FANCL: variants seen among roughly 807,000 people sequenced by gnomAD.
The protein encoded by FANCL is E3 ubiquitin-protein ligase FANCL.
A neutral mutation model predicts 59.4 loss-of-function variants in FANCL; 69 were observed. The observed-to-expected ratio is 1.16, with a 90% CI of 0.96 to 1.42. The LOEUF is 1.42. Among genes scored for constraint, FANCL ranks in the 40% most tolerant of loss-of-function variants. FANCL has a pLI of 0.00. For synonymous variants in FANCL, 180 were observed against 147.1 expected (o/e 1.22, Z -1.62); for missense variants, 519 against 447.2 (o/e 1.16, Z -1.45).
rs777111103 is a variant in FANCL at position 58,159,661 on chromosome 2, A to ATGTT, written c.*100_*103dup. 1.2e-5 allele frequency: 19 copies of ATGTT among 1,613,104 alleles called. No individual in the cohort carries two copies. The highest frequency in any genetic ancestry group is 2.2e-5 in the East Asian group (1 of 44,866). ...TCGCATCATCATACCTGTCCTTTTGATGTTAGTATTTCTTGCTTTATTTTT... is the reference window on the plus strand; with the variant it reads ...TCGCATCATCATACCTGTCCTTTTGATGTTTGTTAGTATTTCTTGCTTTATTTTT... On this transcript the variant is annotated 3_prime_UTR_variant, in exon 14 of 14. Transcript: ENST00000233741.
At chr2:58,208,264 A>T (rs927681318) in intron 5 of FANCL, among the ~76,000 whole-genome samples, 1 of 152,228 alleles carries the variant, frequency 6.6e-6, no homozygotes, top group Admixed American at 6.5e-5. Context: ...AGGAGTTTAG[A>T]TATTATCACT....
intron 5 of FANCL, among the ~76,000 whole-genome samples, chr2:58,207,521 T>A (rs1466409765): frequency 6.6e-6 from 1 of 152,326 alleles, no homozygotes; most frequent in African/African-American, 2.4e-5. Context: ...AACCCACTCT[T>A]GACCATCTGC....
chr2:58,187,334 A>G (rs931844610), intron 7 of FANCL, among the ~76,000 whole-genome samples: 7 of 144,888 alleles, frequency 4.8e-5, no homozygotes, highest in African/African-American at 1.8e-4. Context: ...CAAACACCGC[A>G]TGTTCTCACT....
intron 5 of FANCL, among the ~76,000 whole-genome samples, chr2:58,212,454 G>GATATGT (rs1321340909): frequency 6.6e-6 from 1 of 152,096 alleles, no homozygotes. Context: ...ATCATAAAGT[G>GATATGT]ATATGTATTT....
chr2:58,159,876 G>C, intron 13 of FANCL, 76 bp from the exon 14 acceptor site: 1 of 1,593,440 alleles, frequency 6.3e-7, no homozygotes, highest in African/African-American at 1.3e-5. Flanking sequence ...TAGAAATAGT[G>C]TCATAGAATA....
At chr2:58,172,999 T>C (rs1473828556) in intron 7 of FANCL, among the ~76,000 whole-genome samples, 1 of 152,102 alleles carries the variant, frequency 6.6e-6, no homozygotes, top group Admixed American at 6.5e-5. Flanking sequence ...TACAGAAGCC[T>C]CAGGAGCCGA....
intron 7 of FANCL, among the ~76,000 whole-genome samples, chr2:58,168,460 G>C (rs780722369): frequency 4.6e-5 from 7 of 152,162 alleles, no homozygotes; most frequent in Non-Finnish European, 8.8e-5. Flanking sequence ...CGCAGATCAG[G>C]AGATTCCCTC....
intron 7 of FANCL, among the ~76,000 whole-genome samples, chr2:58,180,099 T>C (rs150796502): frequency 0.011 from 1,658 of 152,206 alleles, 44 homozygotes; most frequent in African/African-American, 0.038. Context: ...TGTGGAGAAA[T>C]AGGAATGCTT....
At chr2:58,183,922 C>T (rs1178724328) in intron 7 of FANCL, among the ~76,000 whole-genome samples, 6 of 151,920 alleles carry the variant, frequency 3.9e-5, no homozygotes, top group Non-Finnish European at 8.8e-5. Flanking sequence ...TGATCTTAAG[C>T]AAGACATACT....
rs140547539 is a variant in FANCL, at chr2:58,167,026, A to G, written c.541-1152T>C. ...CAAGAGATAGAGACCATCCTGGCCA[A>G]TAAGGTGAAACCTTGTCTCTTCTAA... On this transcript the variant is annotated intron_variant, in intron 7 of 13. Coordinates refer to ENST00000233741, the MANE Select transcript of FANCL (RefSeq NM_018062.4). Among the ~76,000 whole-genome samples the G allele has an allele frequency of 4.9e-3, 743 of 152,358 alleles. 8 individuals carry two copies. The highest frequency in any genetic ancestry group is 0.017 in the African/African-American group (706 of 41,586).
chr2:58,217,138 T>A (rs1228785387), intron 5 of FANCL, among the ~76,000 whole-genome samples: 1 of 95,910 alleles, frequency 1.0e-5, no homozygotes, highest in Admixed American at 1.3e-4. Flanking sequence ...TATTTTTATA[T>A]ATAGATTTAT....
chr2:58,212,247 G>T (rs1691243416), intron 5 of FANCL, among the ~76,000 whole-genome samples: 1 of 152,320 alleles, frequency 6.6e-6, no homozygotes, highest in East Asian at 1.9e-4. Context: ...GAATGAGGAA[G>T]ATGCAAAAGC....
chr2:58,160,261 A>C, intron 12 of FANCL, 82 bp from the exon 13 acceptor site: 1 of 1,387,336 alleles, frequency 7.2e-7, no homozygotes. Context: ...CTTTGTTTTT[A>C]AGTGCATTAT....
intron 7 of FANCL, chr2:58,194,291 C>A: frequency 2.1e-6 from 1 of 470,878 alleles, no homozygotes; most frequent in Non-Finnish European, 4.4e-6. Context: ...AAAGGAATTT[C>A]GTTTTTTTAT....
chr2:58,195,723 G>A (rs1179203894), intron 7 of FANCL, among the ~76,000 whole-genome samples: 1 of 151,998 alleles, frequency 6.6e-6, no homozygotes, highest in African/African-American at 2.4e-5. Flanking sequence ...TATAGGCTAA[G>A]GCTATGGACA....
chr2:58,194,075 C>T (rs1689194396), intron 7 of FANCL, among the ~76,000 whole-genome samples: 1 of 152,094 alleles, frequency 6.6e-6, no homozygotes, highest in African/African-American at 2.4e-5. Flanking sequence ...ATTAGTTTTG[C>T]TCTTCTTGCA....
chr2:58,216,184 A>C (rs1691703929), intron 5 of FANCL, among the ~76,000 whole-genome samples: 1 of 152,178 alleles, frequency 6.6e-6, no homozygotes, highest in African/African-American at 2.4e-5. Flanking sequence ...CTAAAGGGTT[A>C]TAGCTTGAGA....
At position 58,201,895 on chromosome 2, in the gene FANCL, T is replaced by C. The variant is rs190720931; in HGVS notation, c.471+2235A>G. On this transcript the variant is annotated intron_variant, in intron 6 of 13. Coordinates refer to ENST00000233741, the MANE Select transcript of FANCL (RefSeq NM_018062.4). ...AACAAATGCATTTATTTACTGTATA[T>C]TTAAAAAATCAAGTAACAGAAATAA... Among the ~76,000 whole-genome samples the C allele has an allele frequency of 5.3e-3, 807 of 151,956 alleles. 3 individuals are homozygous for C. Among genetic ancestry groups the C allele is most frequent in the African/African-American group, 0.018 (765 of 41,520 alleles).
chr2:58,162,930 A>G lies in FANCL; in HGVS notation c.839T>C (p.Val280Ala), dbSNP rs1685421691. 6.2e-7 allele frequency: 1 copy of G among 1,612,914 alleles called. No homozygotes were observed. Among genetic ancestry groups the G allele is most frequent in the African/African-American group, 1.3e-5 (1 of 74,846 alleles). The stretch of plus-strand genomic sequence containing the variant: ...TAAAACATCTTTCAAATTTTGTAAC[A>G]CACTATTTTCTGGATCCCTGAAAGC... ...NIHLWDPENS[V>A]LQNLKDVLEI... The change falls in exon 11 of 14, where the codon GTG becomes GCG. Residue 280 changes from valine (V) to alanine (A), a missense_variant. Val to Ala is a moderately conservative substitution (Grantham distance 64, BLOSUM62 0). Coordinates refer to ENST00000233741, the MANE Select transcript of FANCL (RefSeq NM_018062.4).
Sources: gnomAD v4.1 joint callset for allele counts (sites outside exome capture counted in the v4.1 genomes callset) on GRCh38, gnomAD v4.1.1 for gene constraint, MANE v1.5 for transcripts, NCBI Gene and HGNC (gene_info 2026-07-23, HGNC 2026-07-21) for gene names.